Variants in ANKRD36 observed in about 807,000 individuals in gnomAD.
The protein encoded by ANKRD36 is ankyrin repeat domain-containing protein 36A.
In ANKRD36, 179 loss-of-function variants were observed where a neutral mutation model predicts 278.1. That is an observed-to-expected ratio of 0.64 (90% CI 0.57 to 0.73). The LOEUF is 0.73. Among genes scored for constraint, ANKRD36 ranks in the 30% least tolerant of loss-of-function variants. The probability of loss-of-function intolerance (pLI) is 0.00; values close to 1 mark genes in which losing one functional copy is unlikely to be tolerated. For synonymous variants in ANKRD36, 320 were observed against 641.1 expected (o/e 0.50, Z 7.57); for missense variants, 1,159 against 1,956.7 (o/e 0.59, Z 7.69).
chr2:97,208,146 C>A, intron 54 of ANKRD36, 140 bp downstream of exon 54: 1 of 978,252 alleles, frequency 1.0e-6, no homozygotes, highest in Non-Finnish European at 1.5e-6. Context: ...CAAATAAGTT[C>A]TTGGGTGATG....
intron 42 of ANKRD36, among the ~76,000 whole-genome samples, chr2:97,197,303 C>A (rs1300410744): frequency 1.3e-5 from 2 of 151,880 alleles, no homozygotes; most frequent in African/African-American, 4.8e-5. Flanking sequence ...GGGGTTTCTG[C>A]TGAGGAAACC....
chr2:97,154,484 A>T (rs2153474464), intron 14 of ANKRD36, among the ~76,000 whole-genome samples, 191 bp from the exon 15 acceptor site: 1 of 146,636 alleles, frequency 6.8e-6, no homozygotes, highest in East Asian at 2.0e-4. Context: ...TAGGTAACTG[A>T]AATGTTTTCT....
At chr2:97,177,324 C>A (rs1264539033) in intron 22 of ANKRD36, among the ~76,000 whole-genome samples, 1 of 151,862 alleles carries the variant, frequency 6.6e-6, no homozygotes, top group East Asian at 1.9e-4. Flanking sequence ...TTGGAAAAAA[C>A]TACTTTAAAG....
chr2:97,171,870 G>C (rs1465670739), intron 22 of ANKRD36, among the ~76,000 whole-genome samples: 1 of 152,008 alleles, frequency 6.6e-6, no homozygotes, highest in Non-Finnish European at 1.5e-5. Context: ...AAGACTTCAT[G>C]ACTAAAACAC....
At chr2:97,200,879 G>T (rs558934113) in intron 46 of ANKRD36, among the ~76,000 whole-genome samples, 1 of 152,028 alleles carries the variant, frequency 6.6e-6, no homozygotes, top group East Asian at 1.9e-4. Flanking sequence ...TCACATCATA[G>T]TGCTAAAAAC....
At chr2:97,160,005 G>C (rs916327428) in intron 17 of ANKRD36, among the ~76,000 whole-genome samples, 1 of 152,236 alleles carries the variant, frequency 6.6e-6, no homozygotes. Context: ...GGATGGTCTC[G>C]ATCTCCTGAC....
At chr2:97,244,085 C>G in intron 70 of ANKRD36, 56 bp downstream of exon 70, 3 of 1,539,954 alleles carry the variant, frequency 1.9e-6, no homozygotes, top group Non-Finnish European at 1.7e-6. Flanking sequence ...ATTACTTATA[C>G]CATCTCTTTC....
chr2:97,182,951 C>G (rs552637338), intron 26 of ANKRD36, among the ~76,000 whole-genome samples: 14 of 151,658 alleles, frequency 9.2e-5, no homozygotes, highest in African/African-American at 3.4e-4. Context: ...CCACTTCCAC[C>G]GAGGACTCGT....
chr2:97,181,415 C>T (rs953257668), intron 24 of ANKRD36, among the ~76,000 whole-genome samples, 183 bp from the exon 25 acceptor site: 1 of 151,288 alleles, frequency 6.6e-6, no homozygotes, highest in African/African-American at 2.4e-5. Flanking sequence ...TTTTGTGAAG[C>T]CTGTATTCCT....
chr2:97,165,862 A>T (rs1412126887), intron 20 of ANKRD36, among the ~76,000 whole-genome samples: 89 of 147,610 alleles, frequency 6.0e-4, no homozygotes, highest in African/African-American at 2.3e-3. Context: ...TCTGGTAAGG[A>T]TCTAGCCTTG....
Position 97,179,872 on chromosome 2 carries a change from C to T in ANKRD36, c.1674C>T (p.Asp558=), listed in dbSNP as rs535188727. 1.4e-4 allele frequency: 219 copies of T among 1,604,936 alleles called. 2 individuals are homozygous for T. Among genetic ancestry groups the T allele is most frequent in the African/African-American group, 2.7e-4 (20 of 74,760 alleles). Residue 558 remains aspartate (D), a synonymous_variant, in exon 24 of 76, where the codon GAC becomes GAT. Transcript: ENST00000420699. The stretch of plus-strand genomic sequence containing the variant: ...CAAATCCCATTCAGGCTACAAGTGA[C>T]GACAAAGATTCTGTTTCAAATATAG... The part of the protein sequence containing the change: ...QKQPAEKATS[D]DKDSVSNIAT...
chr2:97,207,752 G>A lies in ANKRD36; in HGVS notation c.3164-59G>A, dbSNP rs78332765. 5,982 of 1,542,184 alleles carry A rather than the reference G, an allele frequency of 3.9e-3. 328 individuals are homozygous for A. In the East Asian group the frequency reaches 0.11, roughly 30 times the overall value. ...AGGTTGATGCTAACACTGTATGAAT[G>A]TATGGATAATTTTGTCATTTTTACA... is the stretch of plus-strand genomic sequence containing the variant. On this transcript the variant is annotated intron_variant, in intron 52 of 75. Coordinates refer to ENST00000420699, the MANE Select transcript of ANKRD36 (RefSeq NM_001354587.1).
In ANKRD36 at chr2:97,217,159, A is replaced by G. The variant is rs1201048060; in HGVS notation, c.3674-18A>G. 1 of 1,540,408 alleles carries G rather than the reference A, an allele frequency of 6.5e-7. No homozygotes were observed. Among genetic ancestry groups the G allele is most frequent in the African/African-American group, 1.4e-5 (1 of 72,640 alleles). ...CATATTTACATATGATGAATTATAT[A>G]TTTCTTTTACTTTTCAGTGTCTCCT... On this transcript the variant is annotated intron_variant, in intron 62 of 75. Transcript: ENST00000420699.
chr2:97,113,377 G>C lies in ANKRD36; in HGVS notation c.-363G>C, dbSNP rs1473445462. ...GCGCGGGGGACTCCGAGCGTCGGGA[G>C]CCTGTGGAAGAGAAGAGCGCGCGGG... On this transcript the variant is annotated 5_prime_UTR_variant, in exon 1 of 76. Coordinates refer to ENST00000420699, the MANE Select transcript of ANKRD36 (RefSeq NM_001354587.1). 1 of 302,196 alleles carries C rather than the reference G, an allele frequency of 3.3e-6. No individual in the cohort carries two copies. Among genetic ancestry groups the C allele is most frequent in the African/African-American group, 2.3e-5 (1 of 43,750 alleles). 18.7% of individuals were successfully genotyped at this position (302,196 alleles called of 1,614,324 possible).
At chr2:97,220,607 AT>A (rs1353974785) in intron 66 of ANKRD36, among the ~76,000 whole-genome samples, 5 of 151,532 alleles carry the variant, frequency 3.3e-5, no homozygotes, top group Middle Eastern at 3.2e-3. Context: ...TATGTATCAC[AT>A]TTTTAGAACC....
Position 97,190,978 on chromosome 2 carries a change from T to G in ANKRD36, c.2246T>G (p.Val749Gly). Residue 749 changes from valine to glycine, a missense_variant and splice_region_variant, in exon 35 of 76, where the codon GTG becomes GGG. By Grantham distance (109) the Val-to-Gly change is moderately radical (BLOSUM62 -3). Coordinates refer to ENST00000420699, the MANE Select transcript of ANKRD36 (RefSeq NM_001354587.1). ...TTATGTATCCCTTTTTGCTTTTCAG[T>G]GTCTTCTCAGAAACAACCAGCCTTG... ...EIKDGEKSGTVSSQKQPALKA... is the reference protein window; with the variant it reads ...EIKDGEKSGTGSSQKQPALKA... 2 of 1,604,546 alleles carry G rather than the reference T, an allele frequency of 1.2e-6. No individual in the cohort carries two copies. Among genetic ancestry groups the G allele is most frequent in the East Asian group, 4.5e-5 (2 of 44,440 alleles).
At chr2:97,241,858 TTAAAG>T (rs1261048124) in intron 69 of ANKRD36, among the ~76,000 whole-genome samples, 9 of 46,828 alleles carry the variant, frequency 1.9e-4, no homozygotes, top group African/African-American at 8.4e-4. Flanking sequence ...ATTCTTCTGG[TTAAAG>T]TATAGAAACT....
At chr2:97,176,860 T>G (rs2054414148) in intron 22 of ANKRD36, among the ~76,000 whole-genome samples, 2 of 151,650 alleles carry the variant, frequency 1.3e-5, no homozygotes, top group African/African-American at 2.4e-5. Flanking sequence ...GTCTGTAAAG[T>G]ATTTTATTTC....
intron 67 of ANKRD36, among the ~76,000 whole-genome samples, chr2:97,226,196 C>T (rs1351142331): frequency 6.6e-6 from 1 of 151,388 alleles, no homozygotes; most frequent in Non-Finnish European, 1.5e-5. Flanking sequence ...TGAGGAATCG[C>T]CACACTGACT....
Sources: allele counts gnomAD v4.1 joint callset (sites outside exome capture counted in the v4.1 genomes callset), GRCh38; gene constraint gnomAD v4.1.1; transcripts MANE v1.5; gene names NCBI Gene and HGNC (gene_info 2026-07-23, HGNC 2026-07-21).